Variants in DPH6 observed in about 807,000 individuals in gnomAD.
DPH6 encodes diphthine--ammonia ligase.
Under a neutral mutation model 38.2 loss-of-function variants are expected in DPH6, and 33 were observed. The observed-to-expected ratio is 0.86, with a 90% CI of 0.65 to 1.15. DPH6 has a LOEUF of 1.15. Among genes scored for constraint, DPH6 ranks in the 50% most tolerant of loss-of-function variants. The pLI, the probability that DPH6 is intolerant of heterozygous loss-of-function variation, is 0.00. For missense variants in DPH6, 325 were observed against 320.0 expected, an observed-to-expected ratio of 1.02 and a Z score of -0.12; for synonymous variants, 108 against 103.0, an observed-to-expected ratio of 1.05 and a Z score of -0.30.
intron 6 of DPH6, chr15:35,400,758 G>C (rs1050970503): frequency 1.3e-6 from 1 of 747,816 alleles, no homozygotes; most frequent in African/African-American, 1.7e-5. Flanking sequence ...GGTTGAGCTT[G>C]GAAACAACCG....
chr15:35,185,376 T>C, the DPH6 span, among the ~76,000 whole-genome samples: 1 of 151,806 alleles, frequency 6.6e-6, no homozygotes, highest in Non-Finnish European at 1.5e-5. Flanking sequence ...CAAGCTGGAG[T>C]ATAGTGTTCT....
In DPH6 at chr15:35,372,122, T is replaced by C. The variant is rs1286791490; in HGVS notation, c.*28A>G. 1.3e-6 allele frequency: 2 copies of C among 1,506,246 alleles called. No homozygotes were observed. Among genetic ancestry groups the C allele is most frequent in the Non-Finnish European group, 1.8e-6 (2 of 1,130,232 alleles). The allele number at this position is 1,506,246 out of a possible 1,614,324, so 93.3% of individuals were successfully genotyped here. On this transcript the variant is annotated 3_prime_UTR_variant, in exon 9 of 9. Coordinates refer to ENST00000256538, the MANE Select transcript of DPH6 (RefSeq NM_080650.4). ...CAATTTTTTTGTATAGAAATGGTGG[T>C]TTAATGAACAATGTTCCAAAACACT...
intron 5 of DPH6, among the ~76,000 whole-genome samples, chr15:35,434,559 A>G (rs1165854576): frequency 2.6e-5 from 4 of 152,162 alleles, no homozygotes; most frequent in South Asian, 4.1e-4. Flanking sequence ...ATAAAATCCA[A>G]TGTTACGCCA....
chr15:35,231,090 T>G (rs2051514348), intron 3 of DPH6, among the ~76,000 whole-genome samples: 2 of 152,196 alleles, frequency 1.3e-5, no homozygotes, highest in Admixed American at 1.3e-4. Context: ...ACCTAGGTGT[T>G]GCAGTCCTAG....
the DPH6 span, among the ~76,000 whole-genome samples, chr15:35,150,142 G>T: frequency 6.6e-6 from 1 of 152,276 alleles, no homozygotes; most frequent in South Asian, 2.1e-4. Flanking sequence ...CCAGCAAATT[G>T]GAAGTTGGAA....
chr15:35,296,942 C>T (rs2052020023), intron 3 of DPH6, among the ~76,000 whole-genome samples: 2 of 126,814 alleles, frequency 1.6e-5, no homozygotes, highest in South Asian at 4.5e-4. Flanking sequence ...GTAGCTGGGA[C>T]TACAGCTGAT....
chr15:35,317,649 T>C (rs2052204842), intron 3 of DPH6, among the ~76,000 whole-genome samples: 1 of 146,332 alleles, frequency 6.8e-6, no homozygotes, highest in African/African-American at 2.6e-5. Context: ...CAGAAAGGAA[T>C]GAAATATGAC....
At chr15:35,311,567 C>G (rs928376838) in intron 3 of DPH6, among the ~76,000 whole-genome samples, 9 of 152,048 alleles carry the variant, frequency 5.9e-5, no homozygotes, top group African/African-American at 2.2e-4. Flanking sequence ...ACGTTCAATG[C>G]TTTGGGACAA....
intron 8 of DPH6, 92 bp downstream of exon 8, chr15:35,373,429 C>A: frequency 1.9e-6 from 2 of 1,080,304 alleles, no homozygotes; most frequent in Non-Finnish European, 1.3e-6. Flanking sequence ...TTTCTTTTTC[C>A]TGTCATCTGT....
chr15:35,371,691 G>A lies in DPH6; in HGVS notation c.*459C>T, dbSNP rs191205342. Reference sequence around the variant, plus strand: ...CCATGAATATATTTAAAATAAAAATGATAAATCGCTTTGGCGACACCCAGT... The same window carrying A: ...CCATGAATATATTTAAAATAAAAATAATAAATCGCTTTGGCGACACCCAGT... On this transcript the variant is annotated 3_prime_UTR_variant, in exon 9 of 9. Transcript: ENST00000256538. The A allele has an allele frequency of 7.7e-5, 76 of 985,728 alleles. No individual in the cohort carries two copies. Among genetic ancestry groups the A allele is most frequent in the Middle Eastern group, 5.2e-4 (1 of 1,914 alleles). 61.1% of individuals were successfully genotyped at this position (985,728 alleles called of 1,614,324 possible). A position where few individuals can be genotyped will look rare whatever the true frequency, so the allele number is the denominator to read the frequency against.
chr15:35,161,590 T>G, the DPH6 span, among the ~76,000 whole-genome samples: 4 of 152,034 alleles, frequency 2.6e-5, no homozygotes, highest in Middle Eastern at 3.4e-3. Flanking sequence ...ATGGAGCTTT[T>G]GGGAAGTAAT....
At chr15:35,511,702 A>G (rs1043866913) in intron 3 of DPH6, among the ~76,000 whole-genome samples, 2 of 152,046 alleles carry the variant, frequency 1.3e-5, no homozygotes, top group African/African-American at 2.4e-5. Flanking sequence ...AGAGATTATC[A>G]TTTAAAAAAA....
chr15:35,182,220 ATTTTTTTTTTTTTTTTTTTTT>A, the DPH6 span, among the ~76,000 whole-genome samples: 24 of 86,012 alleles, frequency 2.8e-4, no homozygotes, highest in Non-Finnish European at 4.8e-4. Flanking sequence ...AACTCTAAGA[ATTTTTTTTTTTTTTTTTTTTT>A]TTTTTTTTTT....
intron 3 of DPH6, among the ~76,000 whole-genome samples, chr15:35,468,828 G>T (rs1203362977): frequency 6.6e-6 from 1 of 152,158 alleles, no homozygotes; most frequent in Non-Finnish European, 1.5e-5. Flanking sequence ...AGCACTTTGG[G>T]AGGCTGAGGC....
chr15:35,336,365 ATTTCT>A (rs2052372852), intron 3 of DPH6, among the ~76,000 whole-genome samples: 1 of 151,922 alleles, frequency 6.6e-6, no homozygotes, highest in African/African-American at 2.4e-5. Flanking sequence ...GGCTTTGTTC[ATTTCT>A]TTTCATTCTT....
chr15:35,403,051 G>C (rs944199381), intron 6 of DPH6, among the ~76,000 whole-genome samples: 2 of 152,054 alleles, frequency 1.3e-5, no homozygotes, highest in Non-Finnish European at 2.9e-5. Context: ...CATGTTAGAA[G>C]AAAAAGGAGG....
chr15:35,287,557 C>T (rs1276992125), intron 3 of DPH6, among the ~76,000 whole-genome samples: 1 of 151,982 alleles, frequency 6.6e-6, no homozygotes, highest in Non-Finnish European at 1.5e-5. Context: ...GAGCTGTGCC[C>T]CAGGGTAATT....
chr15:35,334,215 T>C (rs2052349618), intron 3 of DPH6, among the ~76,000 whole-genome samples: 1 of 152,152 alleles, frequency 6.6e-6, no homozygotes, highest in South Asian at 2.1e-4. Context: ...AAAAATGATC[T>C]AAAGATACCT....
At chr15:35,373,705 A>C (rs999987512) in intron 7 of DPH6, 97 bp from the exon 8 acceptor site, 5 of 875,556 alleles carry the variant, frequency 5.7e-6, no homozygotes, top group Non-Finnish European at 8.7e-6. Flanking sequence ...TTCTTGTTTT[A>C]TATTTATCTC....
Sources: gnomAD v4.1 joint callset for allele counts (sites outside exome capture counted in the v4.1 genomes callset) on GRCh38, gnomAD v4.1.1 for gene constraint, MANE v1.5 for transcripts, NCBI Gene and HGNC (gene_info 2026-07-23, HGNC 2026-07-21) for gene names.